FBXL5: variants seen among roughly 807,000 people sequenced by gnomAD.
The protein encoded by FBXL5 is F-box and leucine rich repeat protein 5, also known as F-box/LRR-repeat protein 5.
A neutral mutation model predicts 78.3 loss-of-function variants in FBXL5; 26 were observed. The observed-to-expected ratio is 0.33, with a 90% CI of 0.24 to 0.46. The LOEUF is 0.46. Ranked by LOEUF, FBXL5 falls within the 20% of genes least tolerant of loss-of-function variation. FBXL5 has a pLI of 1.00. For synonymous variants in FBXL5, 295 were observed against 282.5 expected, an observed-to-expected ratio of 1.04 and a Z score of -0.45; for missense variants, 710 against 829.2, an observed-to-expected ratio of 0.86 and a Z score of 1.77.
Position 15,627,876 on chromosome 4 carries a change from T to C in FBXL5, c.1041+9A>G, listed in dbSNP as rs1471654622. 4 of 1,594,510 alleles carry C rather than the reference T, an allele frequency of 2.5e-6. No homozygotes were observed. The highest frequency in any genetic ancestry group is 3.4e-6 in the Non-Finnish European group (4 of 1,175,458). On this transcript the variant is annotated intron_variant, in intron 7 of 10. Transcript: ENST00000341285. ...CTTAATACCCAAACTAGTGTTAATT[T>C]AAACATACCATTTTGCTGGAAACTG...
intron 3 of FBXL5, among the ~76,000 whole-genome samples, chr4:15,639,125 T>C (rs903634159): frequency 6.6e-6 from 1 of 152,150 alleles, no homozygotes; most frequent in African/African-American, 2.4e-5. Flanking sequence ...TATTGCGCCA[T>C]TGCACTCCAG....
At chr4:15,641,383 C>T (rs915730024) in intron 2 of FBXL5, 2 of 345,634 alleles carry the variant, frequency 5.8e-6, no homozygotes, top group Admixed American at 4.1e-5. Context: ...CCAACCCCAC[C>T]TCTTCTTCCT....
At chr4:15,638,799 A>G in intron 3 of FBXL5, 105 bp from the exon 4 acceptor site, 2 of 675,142 alleles carry the variant, frequency 3.0e-6, no homozygotes, top group Non-Finnish European at 4.6e-6. Context: ...ATGACCATAT[A>G]TCTCAAAAAG....
chr4:15,620,660 C>A (rs550509145), intron 9 of FBXL5, among the ~76,000 whole-genome samples: 1 of 152,316 alleles, frequency 6.6e-6, no homozygotes, highest in East Asian at 1.9e-4. Flanking sequence ...AAAATCTGGC[C>A]ATAAACTGGC....
At chr4:15,634,174 G>A (rs373526540) in intron 5 of FBXL5, among the ~76,000 whole-genome samples, 8 of 152,044 alleles carry the variant, frequency 5.3e-5, no homozygotes, top group African/African-American at 1.4e-4. Context: ...AATAAAAACC[G>A]ATTTCTATTG....
intron 1 of FBXL5, among the ~76,000 whole-genome samples, chr4:15,668,744 A>G (rs1330842402): frequency 6.6e-6 from 1 of 152,208 alleles, no homozygotes; most frequent in East Asian, 1.9e-4. Flanking sequence ...TTCCCAGACT[A>G]ATTTCTTAGT....
chr4:15,625,182 C>A, intron 9 of FBXL5, 70 bp downstream of exon 9: 1 of 1,487,794 alleles, frequency 6.7e-7, no homozygotes, highest in Non-Finnish European at 8.9e-7. Flanking sequence ...TGACTTAGAT[C>A]AAAATTTTTA....
At chr4:15,677,230 GTA>G (rs926751398) in intron 1 of FBXL5, among the ~76,000 whole-genome samples, 1 of 152,068 alleles carries the variant, frequency 6.6e-6, no homozygotes, top group Non-Finnish European at 1.5e-5. Flanking sequence ...TGGATGCTGG[GTA>G]TATATGTTCG....
chr4:15,632,629 C>T (rs1372093253), intron 5 of FBXL5, among the ~76,000 whole-genome samples: 1 of 152,184 alleles, frequency 6.6e-6, no homozygotes, highest in Non-Finnish European at 1.5e-5. Flanking sequence ...AGGTCCTTCA[C>T]ATCCCTTTAA....
intron 9 of FBXL5, among the ~76,000 whole-genome samples, chr4:15,617,489 A>T (rs1014884465): frequency 1.3e-5 from 2 of 150,242 alleles, no homozygotes; most frequent in African/African-American, 4.9e-5. Flanking sequence ...TGGAGGTTGC[A>T]GTGAGCCAAG....
chr4:15,654,484 G>C (rs1716571589), intron 1 of FBXL5, among the ~76,000 whole-genome samples: 1 of 152,154 alleles, frequency 6.6e-6, no homozygotes. Flanking sequence ...CTTTATTCGA[G>C]CTCATATAAA....
chr4:15,648,371 C>T (rs879922615), intron 1 of FBXL5, among the ~76,000 whole-genome samples: 3 of 152,074 alleles, frequency 2.0e-5, no homozygotes, highest in Non-Finnish European at 2.9e-5. Context: ...TCCAGCAATC[C>T]CATTCCTGAG....
intron 1 of FBXL5, among the ~76,000 whole-genome samples, chr4:15,665,351 CA>C (rs1373283104): frequency 1.3e-5 from 2 of 152,140 alleles, no homozygotes; most frequent in Non-Finnish European, 2.9e-5. Flanking sequence ...ACTTGAGGTA[CA>C]GCCATACCCC....
intron 5 of FBXL5, among the ~76,000 whole-genome samples, chr4:15,631,926 C>G (rs1713715103): frequency 6.6e-6 from 1 of 152,156 alleles, no homozygotes; most frequent in Non-Finnish European, 1.5e-5. Context: ...TTAATTAGAT[C>G]CCATTTGTCA....
At chr4:15,621,460 A>G (rs1712472603) in intron 9 of FBXL5, among the ~76,000 whole-genome samples, 1 of 152,230 alleles carries the variant, frequency 6.6e-6, no homozygotes, top group African/African-American at 2.4e-5. Flanking sequence ...TTATATGCCA[A>G]CATTCATAGC....
rs149057324 is a variant in FBXL5 at position 15,636,687 on chromosome 4, A to G, written c.584-11T>C. On this transcript the variant is annotated splice_polypyrimidine_tract_variant and intron_variant, in intron 4 of 10. Coordinates refer to ENST00000341285, the MANE Select transcript of FBXL5 (RefSeq NM_012161.4). ...CTGACACTTCTGCTTCTGAAATAAA[A>G]AAGAAAAACTTTACCAGTAAAGGCT... 508 of 1,535,470 alleles carry G rather than the reference A, an allele frequency of 3.3e-4. 3 individuals carry two copies. In the East Asian group the frequency reaches 0.01, roughly 31 times the overall value.
intron 8 of FBXL5, among the ~76,000 whole-genome samples, 195 bp from the exon 9 acceptor site, chr4:15,626,172 G>C (rs1006911107): frequency 1.3e-5 from 2 of 152,186 alleles, no homozygotes; most frequent in African/African-American, 4.8e-5. Context: ...TAATAAGGAA[G>C]TCAAAGTATT....
chr4:15,679,670 T>C (rs554560283), intron 1 of FBXL5, among the ~76,000 whole-genome samples: 1 of 152,192 alleles, frequency 6.6e-6, no homozygotes, highest in East Asian at 1.9e-4. Context: ...ATTTTTGTTA[T>C]ATGTTTTATC....
Position 15,625,520 on chromosome 4 carries a change from G to A in FBXL5, c.1582C>T (p.Leu528=). The A allele has an allele frequency of 6.2e-7, 1 of 1,614,102 alleles. No homozygotes were observed. The highest frequency in any genetic ancestry group is 8.5e-7 in the Non-Finnish European group (1 of 1,180,006). ...SGCFSKDIVG[L]RTSVCWQQHC... is the part of the protein sequence containing the mutation. ...TGCTGCCAACAGACACTAGTCCTTA[G>A]TCCAACAATGTCCTTACTAAAACAA... is the stretch of plus-strand genomic sequence containing the variant. The change falls in exon 9 of 11, where the codon CTA becomes TTA. Residue 528 remains leucine (L), a synonymous_variant. Coordinates refer to ENST00000341285, the MANE Select transcript of FBXL5 (RefSeq NM_012161.4).
Sources: allele counts gnomAD v4.1 joint callset (sites outside exome capture counted in the v4.1 genomes callset), GRCh38; gene constraint gnomAD v4.1.1; transcripts MANE v1.5; gene names NCBI Gene and HGNC (gene_info 2026-07-23, HGNC 2026-07-21).